Variants in SYN3 observed in about 807,000 individuals in gnomAD.
SYN3 encodes synapsin-3.
SYN3 carries 35 observed loss-of-function variants against 65.8 expected under a neutral mutation model. That is an observed-to-expected ratio of 0.53 (90% CI 0.41 to 0.70). The LOEUF is 0.70. Ranked by LOEUF, SYN3 falls within the 30% of genes least tolerant of loss-of-function variation. The probability of loss-of-function intolerance (pLI) is 0.00; values close to 1 mark genes in which losing one functional copy is unlikely to be tolerated. For missense variants in SYN3, 680 were observed against 749.0 expected (o/e 0.91, Z 1.08); for synonymous variants, 270 against 292.9 (o/e 0.92, Z 0.80).
At chr22:32,838,156 C>T (rs756411369) in intron 6 of SYN3, among the ~76,000 whole-genome samples, 2 of 152,184 alleles carry the variant, frequency 1.3e-5, no homozygotes, top group African/African-American at 2.4e-5. Flanking sequence ...ACTGAATCCC[C>T]AAGACATGGC....
chr22:32,965,595 TAA>T (rs770292871), intron 3 of SYN3, among the ~76,000 whole-genome samples: 5 of 151,412 alleles, frequency 3.3e-5, no homozygotes, highest in Admixed American at 6.6e-5. Context: ...TGTGTGTGCG[TAA>T]GAGAGAGAGA....
chr22:32,970,947 C>T (rs1219090876), intron 3 of SYN3, among the ~76,000 whole-genome samples: 1 of 152,174 alleles, frequency 6.6e-6, no homozygotes, highest in Non-Finnish European at 1.5e-5. Flanking sequence ...GGTTCAAATC[C>T]CATCTTCACT....
intron 1 of SYN3, among the ~76,000 whole-genome samples, chr22:33,025,216 G>A (rs1020912774): frequency 1.3e-5 from 2 of 152,016 alleles, no homozygotes; most frequent in Non-Finnish European, 2.9e-5. Flanking sequence ...CAGCACTTTG[G>A]GAGGCCGAGA....
chr22:32,960,511 G>A (rs1473701193), intron 3 of SYN3, among the ~76,000 whole-genome samples: 4 of 152,176 alleles, frequency 2.6e-5, no homozygotes, highest in Admixed American at 1.3e-4. Context: ...GCCTGCATGT[G>A]GCATGGGGTG....
At chr22:32,713,213 A>G (rs1178764304) in intron 6 of SYN3, among the ~76,000 whole-genome samples, 2 of 152,228 alleles carry the variant, frequency 1.3e-5, no homozygotes, top group Non-Finnish European at 2.9e-5. Flanking sequence ...CATTCTGTAT[A>G]TTAAATTAAT....
At position 32,980,712 on chromosome 22, in the gene SYN3, G is replaced by A. The variant is rs952465048; in HGVS notation, c.312-10C>T. ...ATGGAAATACTTCGACCTGTAAAGG[G>A]GAAGAAATCAGCTGAGTAAGGATGC... On this transcript the variant is annotated splice_polypyrimidine_tract_variant and intron_variant, in intron 2 of 13. Transcript: ENST00000358763. The A allele has an allele frequency of 5.8e-5, 94 of 1,613,490 alleles. No individual in the cohort carries two copies. Among genetic ancestry groups the A allele is most frequent in the Non-Finnish European group, 7.6e-5 (90 of 1,179,718 alleles).
chr22:32,931,816 T>C (rs1013513098), intron 3 of SYN3, among the ~76,000 whole-genome samples: 2 of 152,138 alleles, frequency 1.3e-5, no homozygotes, highest in African/African-American at 2.4e-5. Flanking sequence ...GACCAGAACA[T>C]GCCAGATGCT....
intron 4 of SYN3, among the ~76,000 whole-genome samples, chr22:32,875,043 G>C: frequency 6.6e-6 from 1 of 152,210 alleles, no homozygotes; most frequent in East Asian, 1.9e-4. Flanking sequence ...GGAGGGGTTT[G>C]AATCGCCCAT....
intron 3 of SYN3, among the ~76,000 whole-genome samples, chr22:32,955,934 G>A (rs938145706): frequency 3.3e-5 from 5 of 151,638 alleles, no homozygotes; most frequent in Non-Finnish European, 5.9e-5. Flanking sequence ...ATTGGACTCC[G>A]AGTTCTTCAG....
intron 6 of SYN3, among the ~76,000 whole-genome samples, chr22:32,750,848 G>C (rs140122256): frequency 1.6e-3 from 241 of 152,194 alleles, no homozygotes; most frequent in African/African-American, 5.6e-3. Context: ...GTTGCCTAAG[G>C]TAACTTGGAT....
intron 7 of SYN3, among the ~76,000 whole-genome samples, chr22:32,542,813 G>A (rs2058279746): frequency 1.3e-5 from 2 of 151,898 alleles, no homozygotes; most frequent in South Asian, 2.1e-4. Flanking sequence ...CGCAGAGGAC[G>A]AGGCCAAGGC....
chr22:32,536,614 C>T (rs1258759927), intron 9 of SYN3, among the ~76,000 whole-genome samples: 1 of 152,176 alleles, frequency 6.6e-6, no homozygotes, highest in African/African-American at 2.4e-5. Context: ...CAGGGATGGT[C>T]ATGTGACCTA....
chr22:33,031,808 C>A (rs1031066318), intron 1 of SYN3, among the ~76,000 whole-genome samples: 2 of 152,034 alleles, frequency 1.3e-5, no homozygotes, highest in African/African-American at 4.8e-5. Context: ...CCCAGAGAAA[C>A]CTGAAAAACT....
At chr22:32,714,007 T>C (rs2061003092) in intron 6 of SYN3, among the ~76,000 whole-genome samples, 1 of 152,088 alleles carries the variant, frequency 6.6e-6, no homozygotes, top group Non-Finnish European at 1.5e-5. Flanking sequence ...CAGATGAGCT[T>C]GAGGAACACA....
intron 6 of SYN3, among the ~76,000 whole-genome samples, chr22:32,710,090 C>CACACAT (rs1555931689): frequency 5.1e-5 from 5 of 97,100 alleles, no homozygotes; most frequent in Non-Finnish European, 1.9e-5. Flanking sequence ...CACACACACA[C>CACACAT]ACACACACAT....
intron 3 of SYN3, among the ~76,000 whole-genome samples, chr22:32,979,855 G>A (rs1265748993): frequency 3.9e-5 from 6 of 152,150 alleles, no homozygotes; most frequent in African/African-American, 1.4e-4. Context: ...AAGGTCACAA[G>A]GTTAGTAAGG....
chr22:32,881,016 TG>T (rs1240007976), intron 4 of SYN3, among the ~76,000 whole-genome samples: 1 of 152,172 alleles, frequency 6.6e-6, no homozygotes, highest in Non-Finnish European at 1.5e-5. Context: ...ACCCACGTGG[TG>T]GCCTGGGGCA....
At chr22:32,601,486 C>A (rs369010849) in intron 6 of SYN3, among the ~76,000 whole-genome samples, 3 of 152,224 alleles carry the variant, frequency 2.0e-5, no homozygotes, top group Non-Finnish European at 2.9e-5. Flanking sequence ...ACCGTGTTAG[C>A]CAGAATGGTC....
chr22:32,571,168 C>T (rs1391189151), intron 7 of SYN3, among the ~76,000 whole-genome samples: 14 of 152,140 alleles, frequency 9.2e-5, no homozygotes, highest in Non-Finnish European at 1.8e-4. Context: ...TTCAGGCTCT[C>T]CTAGAGTTTT....
Sources: gnomAD v4.1 joint callset for allele counts (sites outside exome capture counted in the v4.1 genomes callset) on GRCh38, gnomAD v4.1.1 for gene constraint, MANE v1.5 for transcripts, NCBI Gene and HGNC (gene_info 2026-07-23, HGNC 2026-07-21) for gene names.